The following MACROH2A1 variants were observed in gnomAD, a reference collection of about 807,000 sequenced individuals.
The protein encoded by MACROH2A1 is core histone macro-H2A.1.
In MACROH2A1, 2 loss-of-function variants were observed where a neutral mutation model predicts 31.6. The ratio of observed to expected loss-of-function variants is 0.06; its 90% CI spans 0.03 to 0.20. The LOEUF is 0.20. Among genes scored for constraint, MACROH2A1 ranks in the 10% least tolerant of loss-of-function variants. The pLI is 1.00. For synonymous variants in MACROH2A1, 169 were observed against 189.6 expected, an observed-to-expected ratio of 0.89 and a Z score of 0.89; for missense variants, 230 against 474.0, an observed-to-expected ratio of 0.49 and a Z score of 4.78.
At chr5:135,371,759 C>G (rs1302304340) in intron 2 of MACROH2A1, among the ~76,000 whole-genome samples, 1 of 152,090 alleles carries the variant, frequency 6.6e-6, no homozygotes, top group African/African-American at 2.4e-5. Context: ...CCTTCTGGGC[C>G]CAACTCAAAT....
chr5:135,397,493 T>G (rs1431883891), intron 1 of MACROH2A1, among the ~76,000 whole-genome samples: 1 of 152,230 alleles, frequency 6.6e-6, no homozygotes, highest in African/African-American at 2.4e-5. Context: ...TAATGCCTTA[T>G]CTAGGGATCA....
Position 135,389,101 on chromosome 5 carries a change from G to A in MACROH2A1, c.-8C>T. 3 of 1,611,158 alleles carry A rather than the reference G, an allele frequency of 1.9e-6. No homozygotes were observed. Among genetic ancestry groups the A allele is most frequent in the Non-Finnish European group, 2.5e-6 (3 of 1,177,814 alleles). Reference sequence around the variant, plus strand: ...CCCACCGCGGCTCGACATGGCGGTGGCCCTGGAGGCGGATCAGTGAGCACA... The same window carrying A: ...CCCACCGCGGCTCGACATGGCGGTGACCCTGGAGGCGGATCAGTGAGCACA... On this transcript the variant is annotated 5_prime_UTR_variant, in exon 2 of 9. Coordinates refer to ENST00000511689, the MANE Select transcript of MACROH2A1 (RefSeq NM_138610.3).
intron 8 of MACROH2A1, among the ~76,000 whole-genome samples, chr5:135,339,309 C>G (rs6880236): frequency 0.15 from 22,122 of 152,112 alleles, 2,588 homozygotes; most frequent in African/African-American, 0.33. Flanking sequence ...GGATGCTTGT[C>G]CCACGGTCCT....
Position 135,359,859 on chromosome 5 carries a change from C to T in MACROH2A1, c.588+638G>A. 4.1e-6 allele frequency: 4 copies of T among 981,494 alleles called. 1 individual carries two copies. The South Asian group carries it at 1.9e-4, about 46-fold the overall frequency. 60.8% of individuals were successfully genotyped at this position (981,494 alleles called of 1,614,324 possible). The stretch of plus-strand genomic sequence containing the variant: ...ACTCTCATTCTCAGGTCTTAAAAGC[C>T]TTTGCATCATTTTTATTTTCAATAA... On this transcript the variant is annotated intron_variant, in intron 5 of 8. Transcript: ENST00000511689.
At chr5:135,375,528 T>C (rs1764746933) in intron 2 of MACROH2A1, among the ~76,000 whole-genome samples, 2 of 152,224 alleles carry the variant, frequency 1.3e-5, no homozygotes, top group South Asian at 4.1e-4. Flanking sequence ...TTTGTCTATC[T>C]TCCTTCAGCA....
At chr5:135,388,286 C>T (rs1766701919) in intron 2 of MACROH2A1, among the ~76,000 whole-genome samples, 1 of 152,082 alleles carries the variant, frequency 6.6e-6, no homozygotes, top group South Asian at 2.1e-4. Flanking sequence ...CCAACAGATA[C>T]CACCTTAACT....
chr5:135,338,040 T>C, intron 8 of MACROH2A1: 1 of 1,139,820 alleles, frequency 8.8e-7, no homozygotes, highest in Non-Finnish European at 1.1e-6. Flanking sequence ...CGTTTTCTGG[T>C]GGGCCTCAAA....
At chr5:135,375,896 C>T (rs1281436604) in intron 2 of MACROH2A1, among the ~76,000 whole-genome samples, 1 of 152,198 alleles carries the variant, frequency 6.6e-6, no homozygotes, top group East Asian at 1.9e-4. Context: ...ACCCAATCAA[C>T]CCCAATCGGA....
chr5:135,352,345 G>A (rs774036306), intron 6 of MACROH2A1, among the ~76,000 whole-genome samples: 1 of 152,164 alleles, frequency 6.6e-6, no homozygotes, highest in Non-Finnish European at 1.5e-5. Context: ...CATGGCTCTG[G>A]GGCAGTTTTC....
Position 135,389,056 on chromosome 5 carries a change from G to A in MACROH2A1, c.38C>T (p.Thr13Met), listed in dbSNP as rs1414787909. Reference protein sequence around the residue: ...SRGGKKKSTKTSRSAKAGVIF... With the variant: ...SRGGKKKSTKMSRSAKAGVIF... ...GACTCCTGCTTTGGCAGACCTGGAC[G>A]TCTTGGTGGACTTCTTCTTCCCACC... The change falls in exon 2 of 9, where the codon ACG becomes ATG. Residue 13 changes from threonine (T) to methionine (M), a missense_variant. Transcript: ENST00000511689. 1.9e-6 allele frequency: 3 copies of A among 1,613,866 alleles called. No homozygotes were observed. Among genetic ancestry groups the A allele is most frequent in the East Asian group, 2.2e-5 (1 of 44,868 alleles).
At chr5:135,362,824 C>G (rs1485698127) in intron 4 of MACROH2A1, 1 of 152,112 alleles carries the variant, frequency 6.6e-6, no homozygotes, top group Non-Finnish European at 1.5e-5. Flanking sequence ...AATTTATATA[C>G]ATTATTTTTG....
At chr5:135,389,252 G>T in intron 1 of MACROH2A1, 126 bp from the exon 2 acceptor site, 1 of 547,766 alleles carries the variant, frequency 1.8e-6, no homozygotes. Context: ...TAGCTGCAGG[G>T]CCCTCCGGGT....
At chr5:135,379,217 T>C (rs1765315298) in intron 2 of MACROH2A1, among the ~76,000 whole-genome samples, 1 of 152,202 alleles carries the variant, frequency 6.6e-6, no homozygotes, top group African/African-American at 2.4e-5. Context: ...TGTAGGCAGA[T>C]GGGGTGATGT....
At chr5:135,357,788 C>T in intron 5 of MACROH2A1, 1 of 983,410 alleles carries the variant, frequency 1.0e-6, no homozygotes. Flanking sequence ...TGGGCAAAAT[C>T]AGAGAGTAAT....
At chr5:135,367,716 G>A (rs1459182243) in intron 4 of MACROH2A1, among the ~76,000 whole-genome samples, 1 of 152,216 alleles carries the variant, frequency 6.6e-6, no homozygotes, top group Non-Finnish European at 1.5e-5. Context: ...AGCTGAGGAC[G>A]TGGTCCTGCC....
rs905116141 is a variant in MACROH2A1, at chr5:135,357,837, A to G, written c.588+2660T>C. 4 of 984,916 alleles carry G rather than the reference A, an allele frequency of 4.1e-6. No homozygotes were observed. The African/African-American group carries it at 7.0e-5, about 17-fold the overall frequency. 61.0% of individuals were successfully genotyped at this position (984,916 alleles called of 1,614,324 possible). On this transcript the variant is annotated intron_variant, in intron 5 of 8. Transcript: ENST00000511689. ...CCTGAGACTTCAGTATGTGAAATAC[A>G]TCATTAACATCAATGGTCAGGCTCC...
At chr5:135,350,670 C>A in intron 6 of MACROH2A1, 1 of 540,130 alleles carries the variant, frequency 1.9e-6, no homozygotes, top group South Asian at 2.5e-5. Context: ...AGCTTTATTA[C>A]TCAGGTTCAC....
chr5:135,338,571 T>C (rs759506797), intron 8 of MACROH2A1, among the ~76,000 whole-genome samples: 5 of 152,204 alleles, frequency 3.3e-5, no homozygotes, highest in Non-Finnish European at 5.9e-5. Flanking sequence ...CCCAGAGAGC[T>C]GCTGGCCGTG....
intron 8 of MACROH2A1, among the ~76,000 whole-genome samples, chr5:135,337,384 T>C (rs1758930424): frequency 6.7e-6 from 1 of 149,018 alleles, no homozygotes. Flanking sequence ...CATGCCATGC[T>C]GACTGGGAGG....
Sources: allele counts gnomAD v4.1 joint callset (sites outside exome capture counted in the v4.1 genomes callset), GRCh38; gene constraint gnomAD v4.1.1; transcripts MANE v1.5; gene names NCBI Gene and HGNC (gene_info 2026-07-23, HGNC 2026-07-21).